Variants in TCF4 observed in about 807,000 individuals in gnomAD.
The protein encoded by TCF4 is SL3-3 enhancer factor 2.
A neutral mutation model predicts 82.1 loss-of-function variants in TCF4; 3 were observed. That is an observed-to-expected ratio of 0.04 (90% confidence interval 0.02 to 0.09). The LOEUF (loss-of-function observed/expected upper bound fraction) is 0.09. Ranked by LOEUF, TCF4 falls within the 10% of genes least tolerant of loss-of-function variation. TCF4 has a pLI of 1.00. For missense variants in TCF4, 518 were observed against 852.7 expected, an observed-to-expected ratio of 0.61 and a Z score of 4.89; for synonymous variants, 276 against 309.6, an observed-to-expected ratio of 0.89 and a Z score of 1.14.
intron 10 of TCF4, among the ~76,000 whole-genome samples, chr18:55,275,025 T>G (rs1316452014): frequency 6.6e-6 from 1 of 152,066 alleles, no homozygotes; most frequent in East Asian, 1.9e-4. Flanking sequence ...AAACACAGTA[T>G]GAGTGGCAGG....
intron 3 of TCF4, among the ~76,000 whole-genome samples, chr18:55,559,058 A>AC (rs397972756): frequency 6.7e-6 from 1 of 149,712 alleles, no homozygotes; most frequent in Admixed American, 6.7e-5. Flanking sequence ...AAAAAAAAAA[A>AC]TCAGTCTGAT....
rs765968805 is a variant in TCF4 at position 55,246,701 on chromosome 18, CCTTT to C, written c.1350+7792_1350+7795del. The stretch of plus-strand genomic sequence containing the variant: ...AAAAGAATTTCTTCAAGTTCTTTTA[CCTTT>C]CTGTCCTTTTTTTTTTCAGTTTTAA... On this transcript the variant is annotated intron_variant, in intron 15 of 19. Transcript: ENST00000354452. Among the ~76,000 whole-genome samples the C allele has an allele frequency of 2.6e-3, 388 of 151,366 alleles. 1 individual carries two copies. The highest frequency in any genetic ancestry group is 4.7e-3 in the Non-Finnish European group (322 of 67,906).
intron 3 of TCF4, among the ~76,000 whole-genome samples, chr18:55,476,314 G>A (rs1041996425): frequency 6.6e-6 from 1 of 152,144 alleles, no homozygotes; most frequent in African/African-American, 2.4e-5. Flanking sequence ...AGAGTGAAGG[G>A]TGACCCCAAA....
At chr18:55,299,610 A>G (rs2067531110) in intron 8 of TCF4, among the ~76,000 whole-genome samples, 1 of 152,168 alleles carries the variant, frequency 6.6e-6, no homozygotes. Flanking sequence ...CCAAAGTGAA[A>G]AAAGTCAAAA....
chr18:55,268,215 A>G (rs1217790889), intron 11 of TCF4: 2 of 152,046 alleles, frequency 1.3e-5, no homozygotes, highest in Non-Finnish European at 2.9e-5. Context: ...ATACCTTCCT[A>G]AAAAAGAAAA....
chr18:55,296,077 G>A (rs1249445037), intron 8 of TCF4, among the ~76,000 whole-genome samples: 2 of 151,472 alleles, frequency 1.3e-5, no homozygotes, highest in East Asian at 3.9e-4. Context: ...CACCATCTGA[G>A]TGAAGGAGTT....
intron 10 of TCF4, among the ~76,000 whole-genome samples, chr18:55,270,701 AATT>A (rs1291962191): frequency 1.3e-5 from 2 of 152,112 alleles, no homozygotes; most frequent in South Asian, 2.1e-4. Context: ...CTTTGAGTTT[AATT>A]ATTATATTAG....
intron 3 of TCF4, among the ~76,000 whole-genome samples, chr18:55,481,103 C>CAA (rs74180501): frequency 0.015 from 1,236 of 80,502 alleles, 58 homozygotes; most frequent in East Asian, 0.031. Context: ...GACTCCATCT[C>CAA]AAAAAAAAAA....
chr18:55,439,418 C>A (rs1215427670), intron 5 of TCF4, among the ~76,000 whole-genome samples: 2 of 152,180 alleles, frequency 1.3e-5, no homozygotes, highest in Non-Finnish European at 2.9e-5. Flanking sequence ...GGATGATGAA[C>A]ACACTGAAAT....
intron 8 of TCF4, among the ~76,000 whole-genome samples, chr18:55,322,593 G>C (rs1006063405): frequency 6.6e-5 from 10 of 152,130 alleles, no homozygotes; most frequent in Non-Finnish European, 1.2e-4. Flanking sequence ...CGGCCTCCCC[G>C]GAGCTGGTGG....
chr18:55,267,374 A>G (rs1235113711), intron 11 of TCF4: 1 of 152,132 alleles, frequency 6.6e-6, no homozygotes, highest in African/African-American at 2.4e-5. Flanking sequence ...GGGTAGTATC[A>G]CTAACATCAG....
At chr18:55,467,512 A>G (rs1165814676) in intron 3 of TCF4, among the ~76,000 whole-genome samples, 1 of 152,154 alleles carries the variant, frequency 6.6e-6, no homozygotes, top group Non-Finnish European at 1.5e-5. Flanking sequence ...GAGTTTGAGA[A>G]CCACAGGACT....
chr18:55,420,787 G>C (rs1188890756), intron 5 of TCF4, among the ~76,000 whole-genome samples: 1 of 151,598 alleles, frequency 6.6e-6, no homozygotes, highest in Non-Finnish European at 1.5e-5. Context: ...GATTTCATTA[G>C]ATGTGGTTTT....
chr18:55,614,929 A>C (rs981600224), intron 2 of TCF4, among the ~76,000 whole-genome samples: 4 of 152,150 alleles, frequency 2.6e-5, no homozygotes, highest in Non-Finnish European at 5.9e-5. Context: ...TATATGTTCC[A>C]AAGTATGAAT....
chr18:55,478,435 C>A (rs1297778001), intron 3 of TCF4, among the ~76,000 whole-genome samples: 1 of 152,178 alleles, frequency 6.6e-6, no homozygotes, highest in Non-Finnish European at 1.5e-5. Flanking sequence ...AGTCACCTAA[C>A]CTTATGTCAT....
At position 55,280,367 on chromosome 18, in the gene TCF4, A is replaced by G. The variant is rs1168725517; in HGVS notation, c.550-711T>C. On this transcript the variant is annotated intron_variant, in intron 8 of 19. Transcript: ENST00000354452. Reference sequence around the variant, plus strand: ...AGTGTGCCAAAAACCTAATTTACTTACATTCATTTACTAATACTCATGAGA... The same window carrying G: ...AGTGTGCCAAAAACCTAATTTACTTGCATTCATTTACTAATACTCATGAGA... Among the ~76,000 whole-genome samples the G allele has an allele frequency of 2.6e-5, 4 of 152,194 alleles. No individual in the cohort carries two copies. In the East Asian group the frequency reaches 5.8e-4, roughly 22 times the overall value.
At chr18:55,343,883 G>A (rs1788026) in intron 8 of TCF4, among the ~76,000 whole-genome samples, 47,871 of 151,908 alleles carry the variant, frequency 0.32, 7,760 homozygotes, top group East Asian at 0.57. Flanking sequence ...CACACATCCG[G>A]GGATAGTAGA....
At chr18:55,590,167 G>T (rs1235177406), upstream of TCF4, among the ~76,000 whole-genome samples, 8 of 152,214 alleles carry the variant, frequency 5.3e-5, no homozygotes, top group Admixed American at 1.3e-4. Flanking sequence ...GATACCCCCA[G>T]GTCTCCCTGA....
At chr18:55,415,295 T>G (rs956183712) in intron 5 of TCF4, among the ~76,000 whole-genome samples, 8 of 152,190 alleles carry the variant, frequency 5.3e-5, no homozygotes, top group Admixed American at 5.2e-4. Flanking sequence ...TAAAAACAAA[T>G]TAACGGCCAT....
Sources: gnomAD v4.1 joint callset for allele counts (sites outside exome capture counted in the v4.1 genomes callset) on GRCh38, gnomAD v4.1.1 for gene constraint, MANE v1.5 for transcripts, NCBI Gene and HGNC (gene_info 2026-07-23, HGNC 2026-07-21) for gene names.